ITPR1: variants seen among roughly 807,000 people sequenced by gnomAD.
ITPR1 encodes the protein inositol 1,4,5-trisphosphate-gated calcium channel ITPR1.
ITPR1 carries 96 observed loss-of-function variants against 318.4 expected under a neutral mutation model. That is an observed-to-expected ratio of 0.30 (90% CI 0.26 to 0.36). ITPR1 has a LOEUF of 0.36. Among genes scored for constraint, ITPR1 ranks in the 10% least tolerant of loss-of-function variants. The pLI is 1.00. For synonymous variants in ITPR1, 1,312 were observed against 1,289.9 expected (o/e 1.02, Z -0.37); for missense variants, 2,440 against 3,460.2 (o/e 0.71, Z 7.40).
chr3:4,686,131 G>A (rs2094390095), intron 30 of ITPR1, among the ~76,000 whole-genome samples: 1 of 152,192 alleles, frequency 6.6e-6, no homozygotes, highest in Non-Finnish European at 1.5e-5. Context: ...AGATGAGAGA[G>A]CTGCAGCGGG....
chr3:4,828,790 C>A (rs2050246905), intron 60 of ITPR1, among the ~76,000 whole-genome samples: 1 of 152,164 alleles, frequency 6.6e-6, no homozygotes, highest in Non-Finnish European at 1.5e-5. Flanking sequence ...TTGGTCATTC[C>A]AGTCCAGCTG....
intron 4 of ITPR1, among the ~76,000 whole-genome samples, chr3:4,547,474 C>T (rs1029528456): frequency 6.6e-6 from 1 of 152,162 alleles, no homozygotes; most frequent in African/African-American, 2.4e-5. Context: ...GGATTTGTCC[C>T]CCTTAATTGT....
intron 1 of ITPR1, among the ~76,000 whole-genome samples, chr3:4,494,016 GC>G (rs1205762972): frequency 6.6e-6 from 1 of 152,046 alleles, no homozygotes; most frequent in Non-Finnish European, 1.5e-5. Context: ...ATGTGTAGGG[GC>G]CCCCCGTGGG....
In ITPR1 at chr3:4,783,812, C is replaced by G. The variant is rs376888421; in HGVS notation, c.6511-4C>G. On this transcript the variant is annotated splice_region_variant and splice_polypyrimidine_tract_variant and intron_variant, in intron 50 of 61. Coordinates refer to ENST00000649015, the MANE Select transcript of ITPR1 (RefSeq NM_001378452.1). The stretch of plus-strand genomic sequence containing the variant: ...CCTCCTGTATCTCTGTCCCTGTATT[C>G]TAGTTGGCTCGGCATAACAAAGAAC... 5.3e-5 allele frequency: 85 copies of G among 1,594,472 alleles called. No individual in the cohort carries two copies. The highest frequency in any genetic ancestry group is 6.8e-5 in the Non-Finnish European group (79 of 1,169,706).
chr3:4,802,593 C>A (rs187599998), intron 54 of ITPR1, among the ~76,000 whole-genome samples: 1 of 152,004 alleles, frequency 6.6e-6, no homozygotes, highest in African/African-American at 2.4e-5. Flanking sequence ...GAGGCCAAGG[C>A]GGGAAAATTG....
intron 4 of ITPR1, among the ~76,000 whole-genome samples, chr3:4,592,123 T>G (rs114311247): frequency 0.013 from 1,907 of 152,270 alleles, 45 homozygotes; most frequent in African/African-American, 0.043. Flanking sequence ...ATAACAAAAT[T>G]GAGTGAGGTC....
rs1298323138 is a variant in ITPR1, at chr3:4,693,786, T to C, written c.4281+45T>C. On this transcript the variant is annotated intron_variant, in intron 33 of 61. Transcript: ENST00000649015. ...CTGTGCCCTTCTCGTTGCTATGTGG[T>C]GTGTGCTGTCGTGGCTCACTGGGAG... The C allele has an allele frequency of 7.6e-6, 12 of 1,575,922 alleles. No individual in the cohort carries two copies. In the East Asian group the frequency reaches 2.8e-4, roughly 36 times the overall value.
chr3:4,792,223 C>T (rs61419940), intron 52 of ITPR1, among the ~76,000 whole-genome samples: 4,044 of 152,250 alleles, frequency 0.027, 186 homozygotes, highest in African/African-American at 0.09. Flanking sequence ...GACAACCTCC[C>T]CACCTCACAT....
chr3:4,527,158 G>C (rs553924965), intron 4 of ITPR1, among the ~76,000 whole-genome samples: 2 of 152,086 alleles, frequency 1.3e-5, no homozygotes, highest in Non-Finnish European at 2.9e-5. Context: ...TCTTCCAAAG[G>C]CTGGGCCCAG....
chr3:4,768,295 G>T, intron 45 of ITPR1: 1 of 522,738 alleles, frequency 1.9e-6, no homozygotes, highest in East Asian at 3.0e-5. Flanking sequence ...TGTACACGTA[G>T]GTGAAATGGT....
At chr3:4,662,313 T>G in intron 15 of ITPR1, 71 bp downstream of exon 15, 1 of 1,345,586 alleles carries the variant, frequency 7.4e-7, no homozygotes, top group Admixed American at 2.8e-5. Flanking sequence ...TGGGGTGGAG[T>G]GAGAGAATGG....
chr3:4,649,557 T>C lies in ITPR1; in HGVS notation c.856-2566T>C, dbSNP rs150880004. ...TGCGCTTGGTAGCTAATCTACTTCCTATCTCTGTAGATTTGCCAGTGCTGA... is the reference window on the plus strand; with the variant it reads ...TGCGCTTGGTAGCTAATCTACTTCCCATCTCTGTAGATTTGCCAGTGCTGA... On this transcript the variant is annotated intron_variant, in intron 10 of 61. Transcript: ENST00000649015. Among the ~76,000 whole-genome samples the C allele has an allele frequency of 2.0e-4, 30 of 152,340 alleles. No individual in the cohort carries two copies. The East Asian group carries it at 5.8e-3, about 29-fold the overall frequency.
intron 31 of ITPR1, among the ~76,000 whole-genome samples, chr3:4,690,615 C>G (rs2094465869): frequency 6.6e-6 from 1 of 152,102 alleles, no homozygotes; most frequent in South Asian, 2.1e-4. Context: ...TTTAAGTTCA[C>G]CAGAAGACAT....
rs557781251 is a variant in ITPR1, at chr3:4,637,432, G to A, written c.280-1952G>A. On this transcript the variant is annotated intron_variant, in intron 5 of 61. Coordinates refer to ENST00000649015, the MANE Select transcript of ITPR1 (RefSeq NM_001378452.1). ...AATTAGGGAGAACAAGAGGTGGGAG[G>A]CTGCTAAGGAGAGTATTTATGCAGA... 2.6e-5 allele frequency among the ~76,000 whole-genome samples: 4 copies of A among 152,324 alleles called. No individual in the cohort carries two copies. In the South Asian group the frequency reaches 8.3e-4, roughly 32 times the overall value.
intron 55 of ITPR1, among the ~76,000 whole-genome samples, chr3:4,807,309 G>A (rs1207231611): frequency 1.3e-5 from 2 of 152,188 alleles, no homozygotes; most frequent in Non-Finnish European, 2.9e-5. Context: ...AGTGAACTGA[G>A]GAGCAGTTCA....
At chr3:4,655,017 C>T (rs1263277420) in intron 12 of ITPR1, among the ~76,000 whole-genome samples, 2 of 152,158 alleles carry the variant, frequency 1.3e-5, no homozygotes, top group African/African-American at 4.8e-5. Flanking sequence ...TTTGCTTCCA[C>T]AGTTAATATG....
chr3:4,693,259 C>T (rs1289298097), intron 32 of ITPR1, among the ~76,000 whole-genome samples: 2 of 152,162 alleles, frequency 1.3e-5, no homozygotes, highest in South Asian at 2.1e-4. Flanking sequence ...CTTTCTCTTC[C>T]CCTAATAGCT....
intron 4 of ITPR1, 95 bp from the exon 5 acceptor site, chr3:4,627,668 A>T (rs1007884339): frequency 6.7e-6 from 5 of 744,572 alleles, no homozygotes; most frequent in East Asian, 2.5e-5. Context: ...ATGTAATTTT[A>T]TGTAATTTTT....
At chr3:4,800,112 G>T (rs1267110277) in intron 53 of ITPR1, 5 of 376,052 alleles carry the variant, frequency 1.3e-5, no homozygotes, top group African/African-American at 4.3e-5. Context: ...CGGAGGAGGA[G>T]GGAACTCCTG....
Sources: allele counts gnomAD v4.1 joint callset (sites outside exome capture counted in the v4.1 genomes callset), GRCh38; gene constraint gnomAD v4.1.1; transcripts MANE v1.5; gene names NCBI Gene and HGNC (gene_info 2026-07-23, HGNC 2026-07-21).